Variants in ACTMAP observed in about 807,000 individuals in gnomAD.
ACTMAP encodes actin maturation protease.
chr19:40,746,197 G>A, the ACTMAP span, among the ~76,000 whole-genome samples: 1 of 152,106 alleles, frequency 6.6e-6, no homozygotes, highest in Non-Finnish European at 1.5e-5. Context: ...CTGGCCCTGA[G>A]GGATTCATTC....
the ACTMAP span, among the ~76,000 whole-genome samples, chr19:40,747,994 C>T: frequency 6.6e-6 from 1 of 152,194 alleles, no homozygotes; most frequent in African/African-American, 2.4e-5. Flanking sequence ...CCTCAGTTTT[C>T]TCACCAGGAA....
the ACTMAP span, chr19:40,742,279 T>C: frequency 1.3e-6 from 1 of 792,032 alleles, no homozygotes; most frequent in Admixed American, 2.1e-5. Flanking sequence ...AGGGACCAGC[T>C]GGTGCTCAAT....
At chr19:40,744,186 C>T in the ACTMAP span, 85 of 1,582,862 alleles carry the variant, frequency 5.4e-5, no homozygotes, top group Non-Finnish European at 7.2e-5. Flanking sequence ...CCAGCCTGCC[C>T]ATATCGGCCA....
chr19:40,742,203 G>A, the ACTMAP span: 1 of 690,932 alleles, frequency 1.4e-6, no homozygotes, highest in Non-Finnish European at 2.6e-6. Flanking sequence ...GTGAGAAACA[G>A]ACGATGCGAC....
the ACTMAP span, among the ~76,000 whole-genome samples, chr19:40,743,470 C>T: frequency 0.46 from 69,475 of 151,810 alleles, 16,474 homozygotes; most frequent in South Asian, 0.57. Context: ...TGACCTCAAG[C>T]GATCCACCCA....
chr19:40,749,448 G>A, the ACTMAP span: 10 of 1,487,608 alleles, frequency 6.7e-6, no homozygotes, highest in Admixed American at 2.1e-4. Context: ...CTAGGGCAGA[G>A]CCTGGGTGGT....
chr19:40,744,066 C>T, the ACTMAP span: 18 of 1,613,864 alleles, frequency 1.1e-5, no homozygotes, highest in East Asian at 2.2e-5. Flanking sequence ...CCCTGGGATA[C>T]GGGATGAGCA....
At chr19:40,741,708 G>A in the ACTMAP span, 1 of 456,590 alleles carries the variant, frequency 2.2e-6, no homozygotes, top group African/African-American at 2.0e-5. Flanking sequence ...CCATGTGCTA[G>A]TCATGTGACC....
chr19:40,741,057 A>G, the ACTMAP span: 1 of 398,798 alleles, frequency 2.5e-6, no homozygotes, highest in Non-Finnish European at 4.4e-6. Flanking sequence ...AGGCTGCTCC[A>G]AGCCCTGGCT....
chr19:40,743,451 T>A, the ACTMAP span, among the ~76,000 whole-genome samples: 34 of 152,130 alleles, frequency 2.2e-4, no homozygotes, highest in Non-Finnish European at 4.0e-4. Context: ...CAGGCTGGTC[T>A]CAAACTCCTG....
chr19:40,741,192 A>G, the ACTMAP span: 1 of 395,116 alleles, frequency 2.5e-6, no homozygotes, highest in Admixed American at 4.3e-5. Flanking sequence ...CTGTAATCCC[A>G]GCACTTTGGG....
the ACTMAP span, among the ~76,000 whole-genome samples, chr19:40,746,907 A>G: frequency 6.6e-6 from 1 of 151,872 alleles, no homozygotes; most frequent in East Asian, 2.0e-4. Flanking sequence ...CCTGGGTTCA[A>G]GCAATTCTCC....
chr19:40,749,893 A>G, the ACTMAP span: 3 of 1,071,766 alleles, frequency 2.8e-6, no homozygotes, highest in Non-Finnish European at 3.8e-6. Flanking sequence ...GGAGATTTTA[A>G]AGGTTTAAGA....
At chr19:40,742,523 G>A in the ACTMAP span, 13 of 1,558,930 alleles carry the variant, frequency 8.3e-6, no homozygotes, top group African/African-American at 1.4e-5. Flanking sequence ...ACACCCGGCC[G>A]TCAGTGGCCC....
the ACTMAP span, chr19:40,744,214 A>C: frequency 6.5e-7 from 1 of 1,543,854 alleles, no homozygotes; most frequent in South Asian, 1.2e-5. Context: ...GTGAGAGCAC[A>C]CAGAGGGGGC....
chr19:40,747,056 C>T, the ACTMAP span, among the ~76,000 whole-genome samples: 1 of 151,344 alleles, frequency 6.6e-6, no homozygotes, highest in Non-Finnish European at 1.5e-5. Context: ...ATCTGCCTGC[C>T]TTGGCCTCCC....
chr19:40,745,177 C>T, the ACTMAP span: 2 of 1,551,726 alleles, frequency 1.3e-6, no homozygotes, highest in African/African-American at 1.4e-5. Flanking sequence ...AGAAGAGGAT[C>T]CACCGCAGGT....
At chr19:40,744,923 C>T in the ACTMAP span, 1 of 796,116 alleles carries the variant, frequency 1.3e-6, no homozygotes, top group Non-Finnish European at 2.0e-6. Context: ...GAGAGATGGA[C>T]CAGGCTCATT....
chr19:40,744,078 G>C, the ACTMAP span: 2 of 1,613,894 alleles, frequency 1.2e-6, no homozygotes, highest in South Asian at 2.2e-5. Context: ...GGATGAGCAG[G>C]GGATGTCCAG....
Sources: gnomAD v4.1 joint callset for allele counts (sites outside exome capture counted in the v4.1 genomes callset) on GRCh38, gnomAD v4.1.1 for gene constraint, MANE v1.5 for transcripts, NCBI Gene and HGNC (gene_info 2026-07-23, HGNC 2026-07-21) for gene names.